Variants in ABCB9 observed in about 807,000 individuals in gnomAD.
ABCB9 encodes ABC-type oligopeptide transporter ABCB9.
A neutral mutation model predicts 62.0 loss-of-function variants in ABCB9; 36 were observed. The ratio of observed to expected loss-of-function variants is 0.58; its 90% CI spans 0.45 to 0.77. The LOEUF is 0.77. ABCB9 is among the 30% of genes least tolerant of loss of function. The pLI, the probability that ABCB9 is intolerant of heterozygous loss-of-function variation, is 0.00. For synonymous variants in ABCB9, 435 were observed against 461.4 expected, an observed-to-expected ratio of 0.94 and a Z score of 0.73; for missense variants, 943 against 1,054.7, an observed-to-expected ratio of 0.89 and a Z score of 1.47.
At chr12:122,948,411 C>T in intron 5 of ABCB9, 1 of 483,272 alleles carries the variant, frequency 2.1e-6, no homozygotes, top group Non-Finnish European at 3.6e-6. Context: ...AAGGCAGGGG[C>T]CTTGTCTTTT....
chr12:122,966,530 G>A (rs1263156389), upstream of ABCB9: 3 of 152,006 alleles, frequency 2.0e-5, no homozygotes, highest in African/African-American at 4.8e-5. Flanking sequence ...GGGATCCTGG[G>A]GCAGGGACCG....
chr12:122,920,188 C>T (rs1051957403), downstream of ABCB9, among the ~76,000 whole-genome samples: 5 of 151,998 alleles, frequency 3.3e-5, no homozygotes, highest in Non-Finnish European at 5.9e-5. Flanking sequence ...GCCAACTCAC[C>T]TGTTTAAATG....
chr12:122,965,011 A>G (rs946947088), intron 1 of ABCB9, among the ~76,000 whole-genome samples: 50 of 152,246 alleles, frequency 3.3e-4, no homozygotes, highest in Admixed American at 2.7e-3. Flanking sequence ...GAAGGCCAGG[A>G]GACAATAGAT....
At chr12:122,942,404 A>G (rs959921310) in intron 7 of ABCB9, among the ~76,000 whole-genome samples, 3 of 151,946 alleles carry the variant, frequency 2.0e-5, no homozygotes, top group African/African-American at 7.3e-5. Flanking sequence ...CCTGGCCAAC[A>G]TGGTGCAACC....
At position 122,944,502 on chromosome 12, in the gene ABCB9, G is replaced by T. The variant is rs778750611; in HGVS notation, c.1269C>A (p.Val423=). The T allele has an allele frequency of 5.0e-5, 80 of 1,613,824 alleles. 1 individual carries two copies. The highest frequency in any genetic ancestry group is 6.4e-5 in the Non-Finnish European group (76 of 1,179,938). ...CCCCGTAGTAGAGGATGCTGACCTG[G>T]ACCACCAGCAGTGTGAGCTGGGGCA... ...VWGSGLTLLV[V]QVSILYYGGH... The change falls in exon 7 of 12, where the codon GTC becomes GTA. Residue 423 remains valine, a synonymous_variant. Coordinates refer to ENST00000280560, the MANE Select transcript of ABCB9 (RefSeq NM_019625.4). The surrounding 1 kb of genome is among the most constrained non-coding windows in gnomAD (Gnocchi z 4.9).
Position 122,932,017 on chromosome 12 carries a change from A to G in ABCB9, c.2040+175T>C. 8.6e-7 allele frequency: 1 copy of G among 1,160,018 alleles called. No homozygotes were observed. Among genetic ancestry groups the G allele is most frequent in the Non-Finnish European group, 1.2e-6 (1 of 820,944 alleles). The allele number at this position is 1,160,018 out of a possible 1,614,324, so 71.9% of individuals were successfully genotyped here. Reference sequence around the variant, plus strand: ...TGCCTGGAGCCTGGAGGCTGGGTCCAGAGTGGCTCCTGGCTCCCCACTCTC... The same window carrying G: ...TGCCTGGAGCCTGGAGGCTGGGTCCGGAGTGGCTCCTGGCTCCCCACTCTC... On this transcript the variant is annotated intron_variant, in intron 11 of 11. Transcript: ENST00000280560. The surrounding 1 kb of genome is among the most constrained non-coding windows in gnomAD (Gnocchi z 4.7).
At chr12:122,968,181 G>A (rs968457471), upstream of ABCB9, among the ~76,000 whole-genome samples, 2 of 152,210 alleles carry the variant, frequency 1.3e-5, no homozygotes, top group Admixed American at 6.5e-5. Context: ...TACTATTGGT[G>A]CAAAAACAAA....
At chr12:122,960,456 G>A (rs948766179) in intron 1 of ABCB9, 134 bp from the exon 2 acceptor site, 6 of 629,014 alleles carry the variant, frequency 9.5e-6, no homozygotes, top group Admixed American at 6.1e-5. Context: ...TCAACTTCCC[G>A]GGTACTAAGA....
chr12:122,935,122 A>G, intron 10 of ABCB9, 150 bp downstream of exon 10: 2 of 936,646 alleles, frequency 2.1e-6, no homozygotes, highest in Non-Finnish European at 3.0e-6. Flanking sequence ...GCTTGAGCGC[A>G]GGAGGTTCGA....
At chr12:122,949,991 G>T in intron 3 of ABCB9, 73 bp from the exon 4 acceptor site, 1 of 1,589,780 alleles carries the variant, frequency 6.3e-7, no homozygotes, top group Non-Finnish European at 8.6e-7. Context: ...GCCCCCTCCC[G>T]CTGCCGGCAG....
At chr12:122,937,017 TCACAC>T (rs1440171606) in intron 9 of ABCB9, among the ~76,000 whole-genome samples, 39 of 151,888 alleles carry the variant, frequency 2.6e-4, no homozygotes, top group Admixed American at 5.9e-4. Flanking sequence ...TGAACCATGA[TCACAC>T]CACCACATTC....
At chr12:122,943,837 G>A (rs180685588) in intron 7 of ABCB9, among the ~76,000 whole-genome samples, 43 of 152,134 alleles carry the variant, frequency 2.8e-4, no homozygotes, top group Non-Finnish European at 4.6e-4. Flanking sequence ...GTGCAGTGGC[G>A]TGATCACGGC....
chr12:122,928,654 T>TG (rs2034976652), downstream of ABCB9, among the ~76,000 whole-genome samples: 3 of 151,912 alleles, frequency 2.0e-5, no homozygotes, highest in South Asian at 6.2e-4. Flanking sequence ...CTGCATGGAT[T>TG]GGGGTGGGTG....
chr12:122,940,908 C>T lies in ABCB9; in HGVS notation c.1468G>A (p.Val490Met). 6.2e-7 allele frequency: 1 copy of T among 1,612,500 alleles called. No homozygotes were observed. Among genetic ancestry groups the T allele is most frequent in the Admixed American group, 1.7e-5 (1 of 59,834 alleles). Residue 490 changes from valine (V) to methionine (M), a missense_variant, in exon 8 of 12, where the codon GTG becomes ATG. Transcript: ENST00000280560. This position sits in a 1 kb window ranked among gnomAD's most constrained non-coding sequence, Gnocchi z 4.8. ...TCGGGGGCCAAGCTGCCATCGTGCA[C>T]CATGGTCGGCTGCCGGTCGATGAAC... ...FEFIDRQPTM[V>M]HDGSLAPDHL...
rs902511942 is a variant in ABCB9, at chr12:122,964,737, A to C, written c.-88+1550T>G. 2.0e-5 allele frequency among the ~76,000 whole-genome samples: 3 copies of C among 152,214 alleles called. No homozygotes were observed. The highest frequency in any genetic ancestry group is 7.2e-5 in the African/African-American group (3 of 41,448). Reference sequence around the variant, plus strand: ...ATGGGTGACCTGCTTGGCCTGAGGGACAAGGACAAGGTGGTGGCCAGAATA... The same window carrying C: ...ATGGGTGACCTGCTTGGCCTGAGGGCCAAGGACAAGGTGGTGGCCAGAATA... On this transcript the variant is annotated intron_variant, in intron 1 of 11. Coordinates refer to ENST00000280560, the MANE Select transcript of ABCB9 (RefSeq NM_019625.4). This position sits in a 1 kb window ranked among gnomAD's most constrained non-coding sequence, Gnocchi z 4.7.
At chr12:122,949,226 C>T (rs1161344395) in intron 4 of ABCB9, 1 of 178,240 alleles carries the variant, frequency 5.6e-6, no homozygotes, top group African/African-American at 2.4e-5. Flanking sequence ...AGCGCAGACA[C>T]TTCTTACCTA....
downstream of ABCB9, among the ~76,000 whole-genome samples, chr12:122,927,178 C>CTT (rs879257017): frequency 1.4e-5 from 2 of 146,134 alleles, no homozygotes; most frequent in African/African-American, 2.5e-5. Context: ...CAAAATTAAA[C>CTT]TTTTTTTTTT....
Position 122,960,099 on chromosome 12 carries a change from G to A in ABCB9, c.137C>T (p.Ser46Leu), listed in dbSNP as rs181884189. 10 of 1,613,584 alleles carry A rather than the reference G, an allele frequency of 6.2e-6. No individual in the cohort carries two copies. The highest frequency in any genetic ancestry group is 3.3e-5 in the South Asian group (3 of 91,086). Reference protein sequence around the residue: ...EDIRHFNIFDSVLDLWAACLY... With the variant: ...EDIRHFNIFDLVLDLWAACLY... ...GCAGGCTGCCCAGAGATCCAGCACCGAGTCAAAGATGTTGAAGTGGCGGAT... is the reference window on the plus strand; with the variant it reads ...GCAGGCTGCCCAGAGATCCAGCACCAAGTCAAAGATGTTGAAGTGGCGGAT... The change falls in exon 2 of 12, where the codon TCG becomes TTG. Residue 46 changes from serine to leucine, a missense_variant. Coordinates refer to ENST00000280560, the MANE Select transcript of ABCB9 (RefSeq NM_019625.4).
intron 1 of ABCB9, among the ~76,000 whole-genome samples, chr12:122,965,730 T>C (rs1262844143): frequency 7.5e-6 from 1 of 132,480 alleles, no homozygotes; most frequent in East Asian, 3.0e-4. Context: ...GGGAGGAGGC[T>C]TTTTTTTTTT....
Sources: gnomAD v4.1 joint callset for allele counts (sites outside exome capture counted in the v4.1 genomes callset) on GRCh38, gnomAD v4.1.1 for gene constraint, Gnocchi (gnomAD v3.1) non-coding constraint, MANE v1.5 for transcripts, NCBI Gene and HGNC (gene_info 2026-07-23, HGNC 2026-07-21) for gene names.